Variants in NRXN3 observed in about 807,000 individuals in gnomAD.
NRXN3 encodes neurexin 3, also known as neurexin III.
Under a neutral mutation model 137.6 loss-of-function variants are expected in NRXN3, and 32 were observed. The observed-to-expected ratio is 0.23, with a 90% CI of 0.18 to 0.31. NRXN3 has a LOEUF of 0.31. Among genes scored for constraint, NRXN3 ranks in the 10% least tolerant of loss-of-function variants. NRXN3 has a pLI of 1.00. For synonymous variants in NRXN3, 798 were observed against 784.5 expected, an observed-to-expected ratio of 1.02 and a Z score of -0.29; for missense variants, 1,574 against 2,062.5, an observed-to-expected ratio of 0.76 and a Z score of 4.59.
At chr14:79,487,531 C>A (rs971885365) in intron 16 of NRXN3, among the ~76,000 whole-genome samples, 2 of 152,142 alleles carry the variant, frequency 1.3e-5, no homozygotes, top group Non-Finnish European at 2.9e-5. Context: ...TGCAGCTGGG[C>A]GGGAACACAG....
chr14:79,030,119 C>T lies in NRXN3; in HGVS notation c.3262+41978C>T, dbSNP rs554175828. 4.5e-4 allele frequency among the ~76,000 whole-genome samples: 67 copies of T among 149,014 alleles called. No homozygotes were observed. In the South Asian group the frequency reaches 0.013, roughly 28 times the overall value. ...CTGGTCTTGAACTCCTGAGCTCAAG[C>T]GACCCACCTGCCTCAGCCTCCCAAA... On this transcript the variant is annotated intron_variant, in intron 15 of 20. Transcript: ENST00000335750.
intron 15 of NRXN3, among the ~76,000 whole-genome samples, chr14:79,012,856 C>T (rs910736481): frequency 2.0e-5 from 3 of 152,144 alleles, no homozygotes; most frequent in African/African-American, 7.2e-5. Flanking sequence ...ACATTTCCCC[C>T]CATCAAACCG....
chr14:79,824,499 T>C (rs554922999), intron 20 of NRXN3, among the ~76,000 whole-genome samples: 3 of 152,240 alleles, frequency 2.0e-5, no homozygotes, highest in African/African-American at 4.8e-5. Flanking sequence ...CCCTTTCCGT[T>C]GTGGAAGGGG....
At chr14:79,162,911 C>T (rs2060930954) in intron 15 of NRXN3, among the ~76,000 whole-genome samples, 2 of 151,770 alleles carry the variant, frequency 1.3e-5, no homozygotes, top group African/African-American at 2.4e-5. Context: ...CCTCTTTTTC[C>T]TTCTACTCTC....
chr14:78,482,410 A>G (rs1242318516), intron 4 of NRXN3, among the ~76,000 whole-genome samples: 1 of 152,150 alleles, frequency 6.6e-6, no homozygotes, highest in East Asian at 1.9e-4. Context: ...AATATTGTCA[A>G]ACTAGATCAT....
At chr14:79,363,692 C>G (rs2093771691) in intron 15 of NRXN3, among the ~76,000 whole-genome samples, 1 of 151,992 alleles carries the variant, frequency 6.6e-6, no homozygotes, top group Non-Finnish European at 1.5e-5. Context: ...CAAAGCAGTA[C>G]TTGGTATAGC....
intron 16 of NRXN3, among the ~76,000 whole-genome samples, chr14:79,519,201 C>G (rs963089563): frequency 6.6e-6 from 1 of 151,942 alleles, no homozygotes; most frequent in Non-Finnish European, 1.5e-5. Context: ...CCCAAGTTTT[C>G]ATATATATTT....
intron 16 of NRXN3, among the ~76,000 whole-genome samples, chr14:79,600,356 T>G (rs1174104432): frequency 6.6e-6 from 1 of 152,212 alleles, no homozygotes; most frequent in Non-Finnish European, 1.5e-5. Context: ...AGTCTCTGAA[T>G]GGAAGAAAGT....
At chr14:79,613,611 T>C (rs1329206977) in intron 16 of NRXN3, among the ~76,000 whole-genome samples, 2 of 152,222 alleles carry the variant, frequency 1.3e-5, no homozygotes, top group Non-Finnish European at 2.9e-5. Context: ...CCCAAAGATC[T>C]TTTAAAATTC....
At chr14:78,833,066 C>G (rs1183843836) in intron 10 of NRXN3, among the ~76,000 whole-genome samples, 1 of 152,188 alleles carries the variant, frequency 6.6e-6, no homozygotes, top group Non-Finnish European at 1.5e-5. Context: ...TGAGGCTCCT[C>G]TATTCCCCAT....
chr14:78,442,282 GA>G (rs34451142), intron 4 of NRXN3, among the ~76,000 whole-genome samples: 51 of 142,852 alleles, frequency 3.6e-4, no homozygotes, highest in Admixed American at 8.3e-4. Flanking sequence ...AGAAAAAAAG[GA>G]AAAAAAAAAA....
chr14:79,829,351 A>G (rs2099315715), intron 20 of NRXN3, among the ~76,000 whole-genome samples: 1 of 152,200 alleles, frequency 6.6e-6, no homozygotes, highest in South Asian at 2.1e-4. Flanking sequence ...GCATTCCAGT[A>G]CTGGGTTGGA....
chr14:79,437,937 A>G (rs914977619), intron 15 of NRXN3, among the ~76,000 whole-genome samples: 1 of 152,216 alleles, frequency 6.6e-6, no homozygotes, highest in African/African-American at 2.4e-5. Context: ...ATCCATCTGT[A>G]TCAGATAATA....
At chr14:78,391,821 T>C (rs1256594547) in intron 4 of NRXN3, among the ~76,000 whole-genome samples, 1 of 152,196 alleles carries the variant, frequency 6.6e-6, no homozygotes, top group Non-Finnish European at 1.5e-5. Context: ...GCTTCTATAA[T>C]TCTCCCATAA....
chr14:79,560,091 G>A (rs555912768), intron 16 of NRXN3, among the ~76,000 whole-genome samples: 13 of 152,140 alleles, frequency 8.5e-5, no homozygotes, highest in South Asian at 4.2e-4. Flanking sequence ...AAATATCACC[G>A]AAATGGATAA....
intron 14 of NRXN3, 41 bp from the exon 15 acceptor site, chr14:78,987,981 T>C (rs560829601): frequency 3.0e-5 from 47 of 1,588,894 alleles, no homozygotes; most frequent in Non-Finnish European, 4.3e-6. Flanking sequence ...TTCTTCTCTC[T>C]CTCCTTTTTC....
chr14:79,740,931 T>A (rs2098961141), intron 19 of NRXN3, among the ~76,000 whole-genome samples: 1 of 151,246 alleles, frequency 6.6e-6, no homozygotes, highest in African/African-American at 2.4e-5. Context: ...TTATCTCAGT[T>A]CTAAAACATT....
intron 1 of NRXN3, among the ~76,000 whole-genome samples, chr14:78,201,686 T>C (rs888129766): frequency 2.0e-5 from 3 of 152,112 alleles, no homozygotes; most frequent in Admixed American, 2.0e-4. Context: ...CCGTTGCATA[T>C]GTTTGCTACA....
intron 1 of NRXN3, among the ~76,000 whole-genome samples, chr14:78,224,957 G>A (rs1261699249): frequency 3.3e-5 from 4 of 122,026 alleles, no homozygotes; most frequent in Admixed American, 7.5e-5. Context: ...TAGTAGAGAC[G>A]GGGTTTCACC....
Sources: gnomAD v4.1 joint callset for allele counts (sites outside exome capture counted in the v4.1 genomes callset) on GRCh38, gnomAD v4.1.1 for gene constraint, MANE v1.5 for transcripts, NCBI Gene and HGNC (gene_info 2026-07-23, HGNC 2026-07-21) for gene names.